The following KATNB1 variants were observed in gnomAD, a reference collection of about 807,000 sequenced individuals.
KATNB1 encodes katanin regulatory subunit B1, also known as katanin p80 WD40 repeat-containing subunit B1.
In KATNB1, 38 loss-of-function variants were observed where a neutral mutation model predicts 82.3. The observed-to-expected ratio is 0.46, with a 90% CI of 0.36 to 0.61. KATNB1 has a LOEUF of 0.61. KATNB1 is among the 20% of genes least tolerant of loss of function. KATNB1 has a pLI of 0.00. For missense variants in KATNB1, 749 were observed against 915.7 expected (o/e 0.82, Z 2.35); for synonymous variants, 361 against 368.7 (o/e 0.98, Z 0.24).
chr16:57,741,003 C>T (rs2049137946), intron 2 of KATNB1, among the ~76,000 whole-genome samples: 1 of 152,358 alleles, frequency 6.6e-6, no homozygotes, highest in East Asian at 1.9e-4. Flanking sequence ...ACGGGCATCC[C>T]CACTTTCCAG....
chr16:57,752,066 G>A lies in KATNB1; in HGVS notation c.632+11G>A. On this transcript the variant is annotated intron_variant, in intron 8 of 19. Transcript: ENST00000379661. ...CGGCAGCTCTGACAGGTGAGGAGGA[G>A]GAGCGAGGCGAGTTGCTTGTGACTG... 1 of 1,572,800 alleles carries A rather than the reference G, an allele frequency of 6.4e-7. No individual in the cohort carries two copies.
intron 16 of KATNB1, 136 bp from the exon 17 acceptor site, chr16:57,755,705 C>A: frequency 1.0e-6 from 1 of 982,458 alleles, no homozygotes; most frequent in Non-Finnish European, 1.5e-6. Flanking sequence ...GCCTTACACT[C>A]ATTGCGTTAG....
At chr16:57,753,816 G>A (rs1555584549) in intron 12 of KATNB1, 129 bp from the exon 13 acceptor site, 4 of 870,546 alleles carry the variant, frequency 4.6e-6, no homozygotes, top group South Asian at 1.7e-5. Flanking sequence ...CTGGGACCAG[G>A]AGCAGGGTCC....
Position 57,754,949 on chromosome 16 carries a change from G to A in KATNB1, c.1248G>A (p.Glu416=). ...PPEDDAATAK[E]AAKPSPAMDV... ...CTCCAGACGCAGCCACAGCAAAGGA[G>A]GCAGCAAAGCCCAGCCCTGCCATGG... The change falls in exon 14 of 20, where the codon GAG becomes GAA. Residue 416 remains glutamate, a synonymous_variant. Coordinates refer to ENST00000379661, the MANE Select transcript of KATNB1 (RefSeq NM_005886.3). The A allele has an allele frequency of 1.2e-6, 2 of 1,614,094 alleles. No homozygotes were observed. The highest frequency in any genetic ancestry group is 1.7e-6 in the Non-Finnish European group (2 of 1,180,038).
At chr16:57,736,360 G>A (rs1162407696) in intron 1 of KATNB1, among the ~76,000 whole-genome samples, 1 of 152,148 alleles carries the variant, frequency 6.6e-6, no homozygotes, top group Non-Finnish European at 1.5e-5. Context: ...ATGGGAAAGA[G>A]GTGAAGTGGC....
At chr16:57,744,550 C>A in intron 4 of KATNB1, 39 bp downstream of exon 4, 2 of 1,493,878 alleles carry the variant, frequency 1.3e-6, no homozygotes, top group Non-Finnish European at 1.9e-6. Flanking sequence ...CGCACACCTG[C>A]CTTAGTCTTC....
Position 57,757,137 on chromosome 16 carries a change from G to C in KATNB1, c.*191G>C. ...TGAACTCTTGAGACAACTCTCTCCA[G>C]CAATAGCTGCCCAGCTTTGCCCAAC... is the stretch of plus-strand genomic sequence containing the variant. On this transcript the variant is annotated 3_prime_UTR_variant, in exon 20 of 20. Transcript: ENST00000379661. 2 of 499,944 alleles carry C rather than the reference G, an allele frequency of 4.0e-6. No individual in the cohort carries two copies. The highest frequency in any genetic ancestry group is 6.4e-6 in the Non-Finnish European group (2 of 314,832). 31.0% of individuals were successfully genotyped at this position (499,944 alleles called of 1,614,324 possible).
intron 2 of KATNB1, among the ~76,000 whole-genome samples, chr16:57,741,026 G>A (rs1195077966): frequency 6.6e-6 from 1 of 152,208 alleles, no homozygotes; most frequent in Non-Finnish European, 1.5e-5. Context: ...GAGGAGCCAG[G>A]CCCTCAGAGG....
chr16:57,753,021 C>T (rs2049241288), intron 10 of KATNB1, 56 bp from the exon 11 acceptor site: 2 of 1,588,298 alleles, frequency 1.3e-6, no homozygotes, highest in Non-Finnish European at 1.7e-6. Context: ...CACACTGGGG[C>T]TGGGATTTTG....
In KATNB1 at chr16:57,744,456, C is replaced by A; in HGVS notation, c.234C>A (p.Ile78=). 6.2e-7 allele frequency: 1 copy of A among 1,614,062 alleles called. No homozygotes were observed. Among genetic ancestry groups the A allele is most frequent in the Non-Finnish European group, 8.5e-7 (1 of 1,180,026 alleles). Residue 78 remains isoleucine (I), a synonymous_variant, in exon 4 of 20, where the codon ATC becomes ATA. Transcript: ENST00000379661. ...SVRLNTPEEL[I]VAGSQSGSIR... is the part of the protein sequence containing the mutation. ...GCCTCAACACCCCCGAGGAGCTCAT[C>A]GTGGCCGGCTCTCAGTCGGGCTCCA...
chr16:57,757,070 C>T lies in KATNB1; in HGVS notation c.*124C>T, dbSNP rs1276579666. The T allele has an allele frequency of 3.5e-6, 4 of 1,147,598 alleles. No homozygotes were observed. Among genetic ancestry groups the T allele is most frequent in the Non-Finnish European group, 4.6e-6 (4 of 871,478 alleles). 71.1% of individuals were successfully genotyped at this position (1,147,598 alleles called of 1,614,324 possible). A position where few individuals can be genotyped will look rare whatever the true frequency, so the allele number is the denominator to read the frequency against. On this transcript the variant is annotated 3_prime_UTR_variant, in exon 20 of 20. Coordinates refer to ENST00000379661, the MANE Select transcript of KATNB1 (RefSeq NM_005886.3). ...GCCCCTGCTGCTGTCCTGTGGCCGT[C>T]CTGGAGGAGGTGATGCTGGTCCCTG...
chr16:57,741,964 G>A (rs2049147355), intron 3 of KATNB1, 147 bp downstream of exon 3: 2 of 910,292 alleles, frequency 2.2e-6, no homozygotes, highest in Non-Finnish European at 3.4e-6. Flanking sequence ...GGGGTGGAGG[G>A]GGCGTGGTGG....
intron 12 of KATNB1, 48 bp from the exon 13 acceptor site, chr16:57,753,897 G>C (rs1264092295): frequency 1.4e-5 from 23 of 1,599,468 alleles, no homozygotes; most frequent in Non-Finnish European, 1.9e-5. Context: ...TGGGTCCCAG[G>C]TGGCCTGGCC....
At chr16:57,740,131 T>C (rs950490002) in intron 2 of KATNB1, among the ~76,000 whole-genome samples, 2 of 152,174 alleles carry the variant, frequency 1.3e-5, no homozygotes, top group Non-Finnish European at 2.9e-5. Context: ...GTCCCGACAG[T>C]GTCCAGAGGA....
rs552744685 is a variant in KATNB1, at chr16:57,756,249, G to GGT, written c.1719-102_1719-101dup. On this transcript the variant is annotated intron_variant, in intron 18 of 19. Coordinates refer to ENST00000379661, the MANE Select transcript of KATNB1 (RefSeq NM_005886.3). ...ACAGGCGTGTGTGGGTGTATGTGTG[G>GGT]GTGTGTCTGTGTCTGTTTCTGCCCC... 5.3e-4 allele frequency: 596 copies of GGT among 1,132,200 alleles called. 10 individuals carry two copies. The South Asian group carries it at 7.8e-3, about 15-fold the overall frequency. The allele number at this position is 1,132,200 out of a possible 1,614,324, so 70.1% of individuals were successfully genotyped here. A position where few individuals can be genotyped will look rare whatever the true frequency, so the allele number is the denominator to read the frequency against.
At chr16:57,752,504 G>A (rs782163028) in intron 8 of KATNB1, 26 bp from the exon 9 acceptor site, 9 of 1,553,138 alleles carry the variant, frequency 5.8e-6, no homozygotes, top group Admixed American at 2.0e-5. Context: ...GATAGGCTTC[G>A]CAGCACAGCT....
rs373652152 is a variant in KATNB1, at chr16:57,751,255, C to A, written c.391-6C>A. ...CTCTGCCCCTCTGCTTCTCTCTCCCCCACAGCTCTGGGACATCAGGAGGAA... is the reference window on the plus strand; with the variant it reads ...CTCTGCCCCTCTGCTTCTCTCTCCCACACAGCTCTGGGACATCAGGAGGAA... On this transcript the variant is annotated splice_region_variant and splice_polypyrimidine_tract_variant and intron_variant, in intron 5 of 19. Transcript: ENST00000379661. This position sits in a 1 kb window ranked among gnomAD's most constrained non-coding sequence, Gnocchi z 6.3. 5.0e-5 allele frequency: 81 copies of A among 1,613,734 alleles called. No homozygotes were observed. Among genetic ancestry groups the A allele is most frequent in the Non-Finnish European group, 6.7e-5 (79 of 1,179,792 alleles).
At chr16:57,756,188 T>C (rs1438606879) in intron 18 of KATNB1, 122 bp downstream of exon 18, 4 of 1,234,764 alleles carry the variant, frequency 3.2e-6, no homozygotes, top group African/African-American at 1.5e-5. Flanking sequence ...CTGTGAAGCA[T>C]TGCTGCCCCT....
intron 19 of KATNB1, 120 bp from the exon 20 acceptor site, chr16:57,756,694 T>G (rs1167659783): frequency 8.4e-5 from 120 of 1,423,320 alleles, no homozygotes; most frequent in Non-Finnish European, 1.0e-4. Flanking sequence ...GTGGTTCCCC[T>G]CTGGGCCTCC....
Sources: gnomAD v4.1 joint callset for allele counts (sites outside exome capture counted in the v4.1 genomes callset) on GRCh38, gnomAD v4.1.1 for gene constraint, Gnocchi (gnomAD v3.1) non-coding constraint, MANE v1.5 for transcripts, NCBI Gene and HGNC (gene_info 2026-07-23, HGNC 2026-07-21) for gene names.